Variants in THSD4 observed in about 807,000 individuals in gnomAD.
The protein encoded by THSD4 is thrombospondin type-1 domain-containing protein 4.
Under a neutral mutation model 119.0 loss-of-function variants are expected in THSD4, and 69 were observed. That is an observed-to-expected ratio of 0.58 (90% confidence interval 0.48 to 0.71). The LOEUF (loss-of-function observed/expected upper bound fraction) is 0.71. Among genes scored for constraint, THSD4 ranks in the 30% least tolerant of loss-of-function variants. THSD4 has a pLI of 0.00. For missense variants in THSD4, 1,393 were observed against 1,391.1 expected (o/e 1.00, Z -0.02); for synonymous variants, 524 against 540.4 (o/e 0.97, Z 0.42).
rs541272289 is a variant in THSD4, at chr15:71,363,127, A to G, written c.1016-48560A>G. Reference sequence around the variant, plus strand: ...GCTGTAAAGGGTACAGAGTGTGTCTAATTCAGAAGTCAGCAAACTTCTTCT... The same window carrying G: ...GCTGTAAAGGGTACAGAGTGTGTCTGATTCAGAAGTCAGCAAACTTCTTCT... On this transcript the variant is annotated intron_variant, in intron 6 of 17. Coordinates refer to ENST00000261862, the MANE Select transcript of THSD4 (RefSeq NM_024817.3). 1.8e-3 allele frequency among the ~76,000 whole-genome samples: 271 copies of G among 152,318 alleles called. 2 individuals carry two copies. Among genetic ancestry groups the G allele is most frequent in the Middle Eastern group, 3.4e-3 (1 of 294 alleles).
At chr15:71,705,183 A>G (rs2052370564) in intron 8 of THSD4, among the ~76,000 whole-genome samples, 1 of 152,216 alleles carries the variant, frequency 6.6e-6, no homozygotes, top group Non-Finnish European at 1.5e-5. Context: ...GGGAAGGAGC[A>G]GGGCCAGAGG....
chr15:71,562,790 C>T (rs774873810), intron 7 of THSD4, among the ~76,000 whole-genome samples: 4 of 151,812 alleles, frequency 2.6e-5, no homozygotes, highest in Admixed American at 6.6e-5. Context: ...GCAACCTCCA[C>T]CTCCTGGGTT....
chr15:71,370,121 G>A (rs950380802), intron 6 of THSD4, among the ~76,000 whole-genome samples: 4 of 151,890 alleles, frequency 2.6e-5, no homozygotes, highest in African/African-American at 4.8e-5. Context: ...TGGGATCAGC[G>A]GTGATATCCC....
chr15:71,137,780 C>T (rs1312472351), intron 1 of THSD4, among the ~76,000 whole-genome samples: 1 of 152,174 alleles, frequency 6.6e-6, no homozygotes, highest in East Asian at 1.9e-4. Context: ...CAAAAACATA[C>T]TAGAGCAGTG....
At chr15:71,522,637 T>C (rs766593025) in intron 7 of THSD4, among the ~76,000 whole-genome samples, 2 of 152,230 alleles carry the variant, frequency 1.3e-5, no homozygotes, top group African/African-American at 2.4e-5. Context: ...TAAACACATG[T>C]TGACTGAATG....
intron 5 of THSD4, among the ~76,000 whole-genome samples, chr15:71,254,311 C>T (rs1405080875): frequency 3.9e-5 from 6 of 152,190 alleles, no homozygotes; most frequent in Non-Finnish European, 8.8e-5. Context: ...CAAGGCTTGC[C>T]ACATCTCCAG....
At chr15:71,685,952 C>T (rs2051899871) in intron 8 of THSD4, among the ~76,000 whole-genome samples, 1 of 152,184 alleles carries the variant, frequency 6.6e-6, no homozygotes, top group East Asian at 1.9e-4. Flanking sequence ...GGAAATATAT[C>T]CATTTTTTTA....
At chr15:71,191,841 T>A (rs2043674390) in intron 3 of THSD4, among the ~76,000 whole-genome samples, 1 of 152,106 alleles carries the variant, frequency 6.6e-6, no homozygotes. Flanking sequence ...GCCCAAATCC[T>A]TGGTGATATC....
At chr15:71,434,459 T>TTC (rs2046983157) in intron 7 of THSD4, among the ~76,000 whole-genome samples, 1 of 137,954 alleles carries the variant, frequency 7.2e-6, no homozygotes, top group African/African-American at 2.6e-5. Context: ...TTTTTTTTTT[T>TTC]TTTAATTTCT....
chr15:71,375,984 A>C (rs752153334), intron 6 of THSD4, among the ~76,000 whole-genome samples: 2 of 152,308 alleles, frequency 1.3e-5, no homozygotes, highest in Non-Finnish European at 2.9e-5. Context: ...ATGTACTGTC[A>C]CATACCGACT....
In THSD4 at chr15:71,748,627, C is replaced by A. The variant is rs747690138; in HGVS notation, c.2415+33C>A. On this transcript the variant is annotated intron_variant, in intron 14 of 17. Transcript: ENST00000261862. ...TGATGGCGGGCAGAGCGCCGGGGAC[C>A]GAGGTCTGCCAGGTGCCTCCAAAAC... 6 of 1,609,196 alleles carry A rather than the reference C, an allele frequency of 3.7e-6. No individual in the cohort carries two copies. In the South Asian group the frequency reaches 6.6e-5, roughly 18 times the overall value.
chr15:71,626,059 AGTGTTTGT>A (rs1219900571), intron 7 of THSD4, among the ~76,000 whole-genome samples: 32 of 152,204 alleles, frequency 2.1e-4, no homozygotes, highest in Admixed American at 2.0e-3. Flanking sequence ...GATCTTATAC[AGTGTTTGT>A]GAGCTTAATT....
At chr15:71,442,822 C>A (rs993552674) in intron 7 of THSD4, among the ~76,000 whole-genome samples, 1 of 149,708 alleles carries the variant, frequency 6.7e-6, no homozygotes, top group Admixed American at 6.7e-5. Context: ...CTTTTTCTTC[C>A]CTTATGTACC....
intron 10 of THSD4, among the ~76,000 whole-genome samples, chr15:71,735,095 C>G (rs918272658): frequency 6.6e-6 from 1 of 152,020 alleles, no homozygotes; most frequent in African/African-American, 2.4e-5. Context: ...CACACACACA[C>G]AGACACACAC....
intron 1 of THSD4, among the ~76,000 whole-genome samples, chr15:71,097,573 A>T (rs1199254145): frequency 6.6e-6 from 1 of 151,534 alleles, no homozygotes; most frequent in Non-Finnish European, 1.5e-5. Flanking sequence ...CTCGAAAAAA[A>T]AAAACAACAA....
At chr15:71,483,843 C>T (rs1241802820) in intron 7 of THSD4, among the ~76,000 whole-genome samples, 3 of 149,466 alleles carry the variant, frequency 2.0e-5, no homozygotes, top group East Asian at 4.0e-4. Flanking sequence ...TGAGAACATG[C>T]GGTGTTTGGT....
intron 15 of THSD4, among the ~76,000 whole-genome samples, chr15:71,762,492 G>A (rs765132715): frequency 2.6e-5 from 4 of 152,164 alleles, no homozygotes; most frequent in Non-Finnish European, 5.9e-5. Flanking sequence ...AAAGTGCAAC[G>A]TCTTAGCCAA....
At chr15:71,495,000 T>C (rs1009150428) in intron 7 of THSD4, among the ~76,000 whole-genome samples, 3 of 152,162 alleles carry the variant, frequency 2.0e-5, no homozygotes, top group African/African-American at 4.8e-5. Context: ...CCTCCCAAAG[T>C]ATTGATACAG....
intron 6 of THSD4, among the ~76,000 whole-genome samples, chr15:71,298,430 A>G (rs933298004): frequency 3.9e-5 from 6 of 152,016 alleles, no homozygotes; most frequent in Non-Finnish European, 8.8e-5. Context: ...CAGCCATCCC[A>G]CTGTTATTTT....
Sources: allele counts gnomAD v4.1 joint callset (sites outside exome capture counted in the v4.1 genomes callset), GRCh38; gene constraint gnomAD v4.1.1; transcripts MANE v1.5; gene names NCBI Gene and HGNC (gene_info 2026-07-23, HGNC 2026-07-21).